PDE8B: variants seen among roughly 807,000 people sequenced by gnomAD.
PDE8B encodes the protein high affinity cAMP-specific and IBMX-insensitive 3',5'-cyclic phosphodiesterase 8B.
PDE8B carries 26 observed loss-of-function variants against 101.3 expected under a neutral mutation model. The observed-to-expected ratio is 0.26, with a 90% CI of 0.19 to 0.36. PDE8B has a LOEUF of 0.36. PDE8B is among the 10% of genes least tolerant of loss of function. The pLI is 1.00. For missense variants in PDE8B, 810 were observed against 1,163.1 expected (o/e 0.70, Z 4.42); for synonymous variants, 424 against 429.3 (o/e 0.99, Z 0.15).
the PDE8B span, among the ~76,000 whole-genome samples, chr5:77,197,675 C>T: frequency 1.0e-3 from 133 of 132,326 alleles, no homozygotes; most frequent in African/African-American, 2.9e-3. Flanking sequence ...GTCTGGCTAG[C>T]GGTCTATCAA....
intron 13 of PDE8B, among the ~76,000 whole-genome samples, chr5:77,408,570 C>A (rs1793951570): frequency 6.6e-6 from 1 of 152,004 alleles, no homozygotes; most frequent in South Asian, 2.1e-4. Context: ...GTCGTGGAGA[C>A]AAAATATCAT....
Position 77,349,406 on chromosome 5 carries a change from C to A in PDE8B, c.877-13C>A. 6.2e-7 allele frequency: 1 copy of A among 1,614,106 alleles called. No homozygotes were observed. Among genetic ancestry groups the A allele is most frequent in the Non-Finnish European group, 8.5e-7 (1 of 1,180,002 alleles). ...TGTCCCCGCACTGATCTGTACCAAC[C>A]TCCCATTAACAGTATGTCAACCCAG... On this transcript the variant is annotated splice_polypyrimidine_tract_variant and intron_variant, in intron 7 of 21. Coordinates refer to ENST00000264917, the MANE Select transcript of PDE8B (RefSeq NM_003719.5).
chr5:77,426,182 G>C (rs545135279), intron 21 of PDE8B: 3 of 589,696 alleles, frequency 5.1e-6, no homozygotes, highest in East Asian at 2.9e-5. Context: ...TCTGTCGTTG[G>C]AGGAAAACTC....
At chr5:77,196,514 CTT>C in the PDE8B span, among the ~76,000 whole-genome samples, 3 of 152,226 alleles carry the variant, frequency 2.0e-5, no homozygotes, top group African/African-American at 7.2e-5. Flanking sequence ...GTGAAACTAA[CTT>C]TGTGTTTTTG....
the PDE8B span, among the ~76,000 whole-genome samples, chr5:77,133,012 C>G: frequency 6.6e-6 from 1 of 152,196 alleles, no homozygotes; most frequent in Admixed American, 6.5e-5. Flanking sequence ...ATTCACAATC[C>G]TTTGTATCTG....
chr5:77,225,092 C>T (rs183589891), intron 1 of PDE8B, among the ~76,000 whole-genome samples: 3 of 152,218 alleles, frequency 2.0e-5, no homozygotes, highest in Non-Finnish European at 4.4e-5. Context: ...CAATTAATTC[C>T]TTAGGGGTTG....
the PDE8B span, among the ~76,000 whole-genome samples, chr5:77,187,711 A>G: frequency 0.069 from 10,503 of 152,284 alleles, 763 homozygotes; most frequent in East Asian, 0.41. Context: ...CAAGGTGTGC[A>G]TTCCCTGACC....
chr5:77,414,855 G>A (rs188489527), intron 17 of PDE8B, among the ~76,000 whole-genome samples: 47 of 152,268 alleles, frequency 3.1e-4, no homozygotes, highest in Non-Finnish European at 4.1e-4. Flanking sequence ...TCTTGAGTTA[G>A]AGGTGAACCT....
the PDE8B span, among the ~76,000 whole-genome samples, chr5:77,195,201 T>G: frequency 6.6e-6 from 1 of 152,152 alleles, no homozygotes; most frequent in Non-Finnish European, 1.5e-5. Context: ...ACACATGCCC[T>G]CACATGGCAG....
chr5:77,169,043 G>C, the PDE8B span, among the ~76,000 whole-genome samples: 4 of 152,342 alleles, frequency 2.6e-5, no homozygotes, highest in African/African-American at 9.6e-5. Flanking sequence ...AAAAATCCAA[G>C]AAGCACAAGG....
At chr5:77,392,286 C>G (rs1033591423) in intron 10 of PDE8B, among the ~76,000 whole-genome samples, 1 of 152,136 alleles carries the variant, frequency 6.6e-6, no homozygotes, top group African/African-American at 2.4e-5. Context: ...AGACCTACCC[C>G]CCAAAGTCTG....
chr5:77,141,102 T>A, the PDE8B span: 1 of 152,204 alleles, frequency 6.6e-6, no homozygotes, highest in Non-Finnish European at 1.5e-5. Context: ...GATATGAATT[T>A]TACCTTTCAA....
intron 1 of PDE8B, among the ~76,000 whole-genome samples, chr5:77,244,362 C>G (rs1176069342): frequency 6.6e-6 from 1 of 152,052 alleles, no homozygotes; most frequent in Admixed American, 6.5e-5. Context: ...TGGGGTACTC[C>G]CAATGTGGCC....
intron 10 of PDE8B, among the ~76,000 whole-genome samples, chr5:77,393,299 C>T (rs1397320961): frequency 6.6e-6 from 1 of 151,878 alleles, no homozygotes; most frequent in East Asian, 1.9e-4. Context: ...GTGGCTGAGG[C>T]CTGAGAATAG....
chr5:77,155,346 C>T, the PDE8B span, among the ~76,000 whole-genome samples: 1 of 152,254 alleles, frequency 6.6e-6, no homozygotes, highest in Non-Finnish European at 1.5e-5. Flanking sequence ...CACCAACTGA[C>T]AGCTGCTGTC....
At chr5:77,390,608 C>A (rs776244137) in intron 10 of PDE8B, among the ~76,000 whole-genome samples, 3 of 152,210 alleles carry the variant, frequency 2.0e-5, no homozygotes, top group Non-Finnish European at 2.9e-5. Flanking sequence ...ATCCCCGTCC[C>A]TTTGCTTTGA....
intron 1 of PDE8B, among the ~76,000 whole-genome samples, chr5:77,273,149 G>A (rs1763125985): frequency 6.6e-6 from 1 of 152,196 alleles, no homozygotes; most frequent in Non-Finnish European, 1.5e-5. Flanking sequence ...TTATTAGTGT[G>A]TCTCTGTGCT....
rs192234635 is a variant in PDE8B, at chr5:77,426,697, G to C, written c.*143G>C. On this transcript the variant is annotated 3_prime_UTR_variant, in exon 22 of 22. Transcript: ENST00000264917. ...TAATATTTGACCTTGAATCATTCAA[G>C]TCCCCAAATTTCATTCTTAGAAAGT... 1 of 678,736 alleles carries C rather than the reference G, an allele frequency of 1.5e-6. No homozygotes were observed. Among genetic ancestry groups the C allele is most frequent in the Admixed American group, 2.3e-5 (1 of 42,950 alleles). The allele number at this position is 678,736 out of a possible 1,614,324, so 42.0% of individuals were successfully genotyped here.
chr5:77,288,839 C>CTTTTTTT (rs55906951), intron 1 of PDE8B, among the ~76,000 whole-genome samples: 70 of 128,306 alleles, frequency 5.5e-4, no homozygotes, highest in Non-Finnish European at 7.1e-4. Context: ...CTGCCCCCAT[C>CTTTTTTT]TTTTTTTTTT....
Sources: allele counts gnomAD v4.1 joint callset (sites outside exome capture counted in the v4.1 genomes callset), GRCh38; gene constraint gnomAD v4.1.1; transcripts MANE v1.5; gene names NCBI Gene and HGNC (gene_info 2026-07-23, HGNC 2026-07-21).